Variants in AKR1C3 observed in about 807,000 individuals in gnomAD.
The protein encoded by AKR1C3 is 3-alpha hydroxysteroid dehydrogenase, type II.
A neutral mutation model predicts 43.6 loss-of-function variants in AKR1C3; 48 were observed. The observed-to-expected ratio is 1.10, with a 90% CI of 0.87 to 1.40. The LOEUF is 1.40. Among genes scored for constraint, AKR1C3 ranks in the 40% most tolerant of loss-of-function variants. The probability of loss-of-function intolerance (pLI) is 0.00; values close to 1 mark genes in which losing one functional copy is unlikely to be tolerated. For synonymous variants in AKR1C3, 162 were observed against 139.6 expected (o/e 1.16, Z -1.13); for missense variants, 482 against 391.2 (o/e 1.23, Z -1.96).
intron 1 of AKR1C3, among the ~76,000 whole-genome samples, chr10:5,053,960 A>G (rs1025995019): frequency 1.5e-4 from 23 of 152,224 alleles, no homozygotes; most frequent in African/African-American, 5.3e-4. Context: ...AAGGCAAGTA[A>G]CAGTAAGATG....
intron 1 of AKR1C3, among the ~76,000 whole-genome samples, chr10:5,083,045 G>A (rs1328795776): frequency 3.3e-5 from 5 of 151,334 alleles, no homozygotes; most frequent in African/African-American, 1.2e-4. Context: ...GGGAGGTTGT[G>A]TGTTTCCAGG....
chr10:5,052,001 C>T (rs1838163020), intron 1 of AKR1C3, among the ~76,000 whole-genome samples: 1 of 152,162 alleles, frequency 6.6e-6, no homozygotes, highest in South Asian at 2.1e-4. Context: ...TTGGTGGGTT[C>T]TTGGTCTCAC....
chr10:5,101,738 C>T (rs1333940315), intron 5 of AKR1C3, among the ~76,000 whole-genome samples: 1 of 152,174 alleles, frequency 6.6e-6, no homozygotes, highest in Non-Finnish European at 1.5e-5. Context: ...GTCTTTCAGA[C>T]TTGCACTCAC....
intron 1 of AKR1C3, among the ~76,000 whole-genome samples, chr10:5,089,342 A>G (rs1263478771): frequency 6.6e-6 from 1 of 150,978 alleles, no homozygotes; most frequent in Non-Finnish European, 1.5e-5. Context: ...ATGTTTTTCA[A>G]ACTTCTTACT....
At chr10:5,095,380 A>T (rs1394673865) in intron 1 of AKR1C3, among the ~76,000 whole-genome samples, 7 of 152,014 alleles carry the variant, frequency 4.6e-5, no homozygotes, top group African/African-American at 1.7e-4. Context: ...TTTTAATATA[A>T]ATTGGCATGG....
chr10:5,092,446 C>G (rs1046745387), upstream of AKR1C3, among the ~76,000 whole-genome samples: 5 of 151,014 alleles, frequency 3.3e-5, no homozygotes, highest in African/African-American at 7.3e-5. Flanking sequence ...TGATGGTGTC[C>G]TACAAGCCCT....
intron 1 of AKR1C3, among the ~76,000 whole-genome samples, chr10:5,075,415 C>T (rs536112141): frequency 2.2e-4 from 33 of 152,276 alleles, no homozygotes; most frequent in Non-Finnish European, 2.2e-4. Flanking sequence ...CTACATCTAA[C>T]GCCATGGCCC....
chr10:5,074,291 T>G (rs1265286021), intron 1 of AKR1C3, among the ~76,000 whole-genome samples: 1 of 152,176 alleles, frequency 6.6e-6, no homozygotes, highest in Non-Finnish European at 1.5e-5. Flanking sequence ...ATTGGCAAAA[T>G]AAACTCTCTA....
chr10:5,099,561 C>A, intron 5 of AKR1C3, 112 bp downstream of exon 5: 1 of 1,541,064 alleles, frequency 6.5e-7, no homozygotes, highest in Non-Finnish European at 8.8e-7. Context: ...AGAAGATTAT[C>A]TAGAGAGCAA....
intron 1 of AKR1C3, among the ~76,000 whole-genome samples, chr10:5,074,519 C>A (rs1838670690): frequency 6.6e-6 from 1 of 152,168 alleles, no homozygotes; most frequent in African/African-American, 2.4e-5. Flanking sequence ...AACTGACGGT[C>A]TGACATCTTT....
intron 1 of AKR1C3, among the ~76,000 whole-genome samples, chr10:5,083,331 G>A (rs1444591171): frequency 6.6e-6 from 1 of 151,986 alleles, no homozygotes; most frequent in African/African-American, 2.4e-5. Context: ...TGCGGTGTTT[G>A]GTTTTTTGTC....
chr10:5,062,926 A>G (rs1221058171), intron 1 of AKR1C3, among the ~76,000 whole-genome samples: 1 of 151,950 alleles, frequency 6.6e-6, no homozygotes, highest in African/African-American at 2.4e-5. Context: ...GGTTTTTAGG[A>G]ACACTTGGGA....
intron 4 of AKR1C3, among the ~76,000 whole-genome samples, 192 bp from the exon 5 acceptor site, chr10:5,099,133 GAT>G (rs1377559455): frequency 6.6e-6 from 1 of 152,190 alleles, no homozygotes; most frequent in African/African-American, 2.4e-5. Context: ...CTAAGGAAGA[GAT>G]AGAAATTCTT....
intron 1 of AKR1C3, among the ~76,000 whole-genome samples, chr10:5,078,564 T>G (rs1350802280): frequency 6.6e-6 from 1 of 152,090 alleles, no homozygotes; most frequent in Non-Finnish European, 1.5e-5. Flanking sequence ...GAAAAAAGGG[T>G]TAAATGCAAG....
intron 3 of AKR1C3, 121 bp downstream of exon 3, chr10:5,097,671 C>G (rs1235683647): frequency 3.6e-5 from 56 of 1,567,262 alleles, no homozygotes; most frequent in Non-Finnish European, 4.4e-5. Flanking sequence ...AGAAGAAGAA[C>G]CGTAAGTGGA....
intron 7 of AKR1C3, among the ~76,000 whole-genome samples, chr10:5,103,268 C>T (rs1839404598): frequency 6.6e-6 from 1 of 152,088 alleles, no homozygotes; most frequent in Non-Finnish European, 1.5e-5. Flanking sequence ...ATTTCCATTT[C>T]TTCGTACGCT....
intron 1 of AKR1C3, among the ~76,000 whole-genome samples, chr10:5,051,669 T>C (rs78854937): frequency 0.041 from 6,310 of 152,232 alleles, 449 homozygotes; most frequent in African/African-American, 0.14. Context: ...CAGACAAATA[T>C]TAACATGGAG....
chr10:5,091,691 A>G (rs186300814), upstream of AKR1C3, among the ~76,000 whole-genome samples: 1 of 152,288 alleles, frequency 6.6e-6, no homozygotes, highest in Non-Finnish European at 1.5e-5. Context: ...AATCCTATAC[A>G]AAACTTCTTC....
At chr10:5,088,200 G>A (rs1212713107) in intron 1 of AKR1C3, among the ~76,000 whole-genome samples, 1 of 152,084 alleles carries the variant, frequency 6.6e-6, no homozygotes, top group Non-Finnish European at 1.5e-5. Flanking sequence ...ATATGATTTT[G>A]AGTTTTTAAT....
Sources: gnomAD v4.1 joint callset for allele counts (sites outside exome capture counted in the v4.1 genomes callset) on GRCh38, gnomAD v4.1.1 for gene constraint, MANE v1.5 for transcripts, NCBI Gene and HGNC (gene_info 2026-07-23, HGNC 2026-07-21) for gene names.